STXBP5L: variants seen among roughly 807,000 people sequenced by gnomAD.
STXBP5L encodes the protein syntaxin-binding protein 5-like.
A neutral mutation model predicts 144.5 loss-of-function variants in STXBP5L; 65 were observed. The observed-to-expected ratio is 0.45, with a 90% CI of 0.37 to 0.55. STXBP5L has a LOEUF of 0.55. Ranked by LOEUF, STXBP5L falls within the 20% of genes least tolerant of loss-of-function variation. The probability of loss-of-function intolerance (pLI) is 0.00; values close to 1 mark genes in which losing one functional copy is unlikely to be tolerated. For synonymous variants in STXBP5L, 505 were observed against 469.6 expected (o/e 1.08, Z -0.97); for missense variants, 1,298 against 1,405.5 (o/e 0.92, Z 1.22).
chr3:121,141,191 A>G (rs1044259355), intron 7 of STXBP5L, among the ~76,000 whole-genome samples: 3 of 152,074 alleles, frequency 2.0e-5, no homozygotes, highest in Non-Finnish European at 2.9e-5. Context: ...ATCACCTGAG[A>G]TTGGGAGTTT....
chr3:121,112,581 C>T (rs868399959), intron 5 of STXBP5L, among the ~76,000 whole-genome samples: 5 of 106,556 alleles, frequency 4.7e-5, no homozygotes, highest in Middle Eastern at 4.0e-3. Flanking sequence ...TGGGAGCCTT[C>T]GACCGCAGCT....
At chr3:121,303,833 A>T (rs61796890) in intron 19 of STXBP5L, among the ~76,000 whole-genome samples, 6,410 of 151,834 alleles carry the variant, frequency 0.042, 200 homozygotes, top group Non-Finnish European at 0.061. Flanking sequence ...AAAAATGAGA[A>T]CACATGGACA....
chr3:121,349,876 G>C (rs1214267925), intron 20 of STXBP5L, among the ~76,000 whole-genome samples: 4 of 152,062 alleles, frequency 2.6e-5, no homozygotes, highest in Admixed American at 6.6e-5. Flanking sequence ...TGGGTTTCCT[G>C]AATACAGCAC....
intron 3 of STXBP5L, among the ~76,000 whole-genome samples, chr3:120,956,737 T>A (rs1938076833): frequency 6.6e-6 from 1 of 151,942 alleles, no homozygotes; most frequent in African/African-American, 2.4e-5. Flanking sequence ...TTTAATTTTT[T>A]GAGGAACTGT....
At chr3:121,273,178 C>T (rs1396792070) in intron 18 of STXBP5L, among the ~76,000 whole-genome samples, 1 of 152,056 alleles carries the variant, frequency 6.6e-6, no homozygotes, top group Non-Finnish European at 1.5e-5. Context: ...ATCCCTTTAG[C>T]ATTTCTTGTA....
At chr3:121,126,469 G>A (rs2044708459) in intron 7 of STXBP5L, among the ~76,000 whole-genome samples, 1 of 152,066 alleles carries the variant, frequency 6.6e-6, no homozygotes, top group Non-Finnish European at 1.5e-5. Flanking sequence ...GAAGGTACCA[G>A]GTGAAATGAA....
intron 14 of STXBP5L, among the ~76,000 whole-genome samples, chr3:121,247,606 A>T (rs2049896302): frequency 6.6e-6 from 1 of 152,176 alleles, no homozygotes; most frequent in Non-Finnish European, 1.5e-5. Flanking sequence ...CTTACTTAGG[A>T]TTATAGCCTC....
chr3:121,319,449 T>C (rs999977088), intron 20 of STXBP5L, among the ~76,000 whole-genome samples: 6 of 152,188 alleles, frequency 3.9e-5, no homozygotes, highest in African/African-American at 1.4e-4. Flanking sequence ...TTCTTTATTC[T>C]TATTCTTCAG....
At chr3:121,404,783 G>C (rs951959636) in intron 22 of STXBP5L, among the ~76,000 whole-genome samples, 2 of 152,058 alleles carry the variant, frequency 1.3e-5, no homozygotes, top group African/African-American at 4.8e-5. Flanking sequence ...ATTTTGTGCT[G>C]GTTTCCTGAA....
intron 10 of STXBP5L, among the ~76,000 whole-genome samples, chr3:121,218,673 G>A (rs2048880551): frequency 6.6e-6 from 1 of 151,988 alleles, no homozygotes; most frequent in African/African-American, 2.4e-5. Flanking sequence ...GGACTTTAAG[G>A]ATGATCAGAT....
chr3:121,365,666 T>C (rs1372702784), intron 20 of STXBP5L, among the ~76,000 whole-genome samples: 2 of 151,770 alleles, frequency 1.3e-5, no homozygotes, highest in Admixed American at 1.3e-4. Flanking sequence ...CTCTCTCTGT[T>C]TCTTCTTACA....
intron 20 of STXBP5L, among the ~76,000 whole-genome samples, chr3:121,375,126 A>G (rs754617418): frequency 6.6e-6 from 1 of 152,186 alleles, no homozygotes; most frequent in Non-Finnish European, 1.5e-5. Context: ...TCACTATGCA[A>G]TATATTCATG....
At chr3:120,943,225 A>G (rs1302135023) in intron 2 of STXBP5L, among the ~76,000 whole-genome samples, 1 of 151,780 alleles carries the variant, frequency 6.6e-6, no homozygotes. Flanking sequence ...TCAGAATTAC[A>G]GATTCCTTAG....
At chr3:120,959,042 G>A (rs1036102107) in intron 3 of STXBP5L, among the ~76,000 whole-genome samples, 1 of 152,142 alleles carries the variant, frequency 6.6e-6, no homozygotes, top group African/African-American at 2.4e-5. Flanking sequence ...AAGCTGATAA[G>A]CAACTTCAGC....
chr3:121,050,630 A>G (rs1398643970), intron 5 of STXBP5L, among the ~76,000 whole-genome samples: 1 of 152,230 alleles, frequency 6.6e-6, no homozygotes, highest in Non-Finnish European at 1.5e-5. Context: ...CTGCAAAAAT[A>G]TGCCAAAATG....
chr3:121,011,303 A>G (rs1944756432), intron 3 of STXBP5L, among the ~76,000 whole-genome samples: 1 of 151,278 alleles, frequency 6.6e-6, no homozygotes, highest in African/African-American at 2.4e-5. Flanking sequence ...TACTCTCCCC[A>G]GTTCAGTGCT....
rs146539594 is a variant in STXBP5L at position 120,962,061 on chromosome 3, G to A, written c.287+7024G>A. Among the ~76,000 whole-genome samples the A allele has an allele frequency of 2.8e-3, 432 of 152,120 alleles. 1 individual carries two copies. The highest frequency in any genetic ancestry group is 9.1e-3 in the African/African-American group (379 of 41,538). ...ATTTTTTCATGTGTCTTTTGGCTGC[G>A]TAAATGTCTTCTTTTGAGAAGTGTC... On this transcript the variant is annotated intron_variant, in intron 3 of 26. Transcript: ENST00000471454.
At chr3:121,262,362 G>A (rs1473112821) in intron 18 of STXBP5L, among the ~76,000 whole-genome samples, 1 of 152,226 alleles carries the variant, frequency 6.6e-6, no homozygotes, top group Non-Finnish European at 1.5e-5. Context: ...GGATGTAGTG[G>A]CTTACGCCTG....
intron 9 of STXBP5L, among the ~76,000 whole-genome samples, chr3:121,162,805 A>C (rs1179220430): frequency 6.6e-6 from 1 of 152,240 alleles, no homozygotes; most frequent in Non-Finnish European, 1.5e-5. Flanking sequence ...CATGCAACCA[A>C]CAAATATATG....
Sources: allele counts gnomAD v4.1 joint callset (sites outside exome capture counted in the v4.1 genomes callset), GRCh38; gene constraint gnomAD v4.1.1; transcripts MANE v1.5; gene names NCBI Gene and HGNC (gene_info 2026-07-23, HGNC 2026-07-21).